GRIN2A: variants seen among roughly 807,000 people sequenced by gnomAD.
GRIN2A encodes glutamate ionotropic receptor NMDA type subunit 2A.
In GRIN2A, 22 loss-of-function variants were observed where a neutral mutation model predicts 113.4. That is an observed-to-expected ratio of 0.19 (90% confidence interval 0.14 to 0.28). The LOEUF is 0.28. Among genes scored for constraint, GRIN2A ranks in the 10% least tolerant of loss-of-function variants. GRIN2A has a pLI of 1.00. For missense variants in GRIN2A, 1,502 were observed against 1,887.0 expected (o/e 0.80, Z 3.78); for synonymous variants, 827 against 738.4 (o/e 1.12, Z -1.94).
At chr16:9,772,321 T>C (rs1036772146) in intron 11 of GRIN2A, among the ~76,000 whole-genome samples, 4 of 152,186 alleles carry the variant, frequency 2.6e-5, no homozygotes, top group African/African-American at 9.7e-5. Context: ...ACCAATGCCA[T>C]CCCTTTGGAA....
At chr16:10,053,106 G>C (rs917410616) in intron 2 of GRIN2A, among the ~76,000 whole-genome samples, 5 of 151,528 alleles carry the variant, frequency 3.3e-5, no homozygotes, top group African/African-American at 1.2e-4. Flanking sequence ...TCTGAACTTT[G>C]AACAAGCCCC....
At chr16:9,988,664 A>G (rs1384973297) in intron 2 of GRIN2A, among the ~76,000 whole-genome samples, 1 of 152,164 alleles carries the variant, frequency 6.6e-6, no homozygotes, top group East Asian at 1.9e-4. Flanking sequence ...CATCTTCACA[A>G]CAACCCTCTC....
intron 3 of GRIN2A, among the ~76,000 whole-genome samples, chr16:9,934,032 G>A (rs1223926140): frequency 1.3e-5 from 2 of 152,218 alleles, no homozygotes; most frequent in Non-Finnish European, 2.9e-5. Context: ...TCTATGGAGA[G>A]AACAGGAGAA....
At chr16:9,962,330 A>G (rs557496686) in intron 2 of GRIN2A, among the ~76,000 whole-genome samples, 1,540 of 152,290 alleles carry the variant, frequency 0.01, 12 homozygotes, top group African/African-American at 0.035. Context: ...CAGGCAACCT[A>G]CAGAATGGGA....
At chr16:9,948,508 G>T (rs1443227757) in intron 2 of GRIN2A, among the ~76,000 whole-genome samples, 2 of 152,208 alleles carry the variant, frequency 1.3e-5, no homozygotes, top group Non-Finnish European at 2.9e-5. Flanking sequence ...TGACCCAGGG[G>T]TCCTGGTGCC....
At chr16:10,035,115 T>C (rs1224563886) in intron 2 of GRIN2A, among the ~76,000 whole-genome samples, 1 of 152,154 alleles carries the variant, frequency 6.6e-6, no homozygotes, top group Non-Finnish European at 1.5e-5. Flanking sequence ...AGCCTTGAAC[T>C]CTTGGGCTCC....
chr16:10,074,988 C>T (rs2047840821), intron 2 of GRIN2A, among the ~76,000 whole-genome samples: 1 of 152,136 alleles, frequency 6.6e-6, no homozygotes, highest in Non-Finnish European at 1.5e-5. Flanking sequence ...TGGCTCAATC[C>T]TTCAAAGAAT....
chr16:10,136,906 G>C (rs1419232847), intron 2 of GRIN2A, among the ~76,000 whole-genome samples: 1 of 152,234 alleles, frequency 6.6e-6, no homozygotes, highest in African/African-American at 2.4e-5. Flanking sequence ...AGAGAAGTGA[G>C]ACAGGGAAGT....
intron 12 of GRIN2A, among the ~76,000 whole-genome samples, chr16:9,767,389 A>C (rs949475475): frequency 6.6e-6 from 1 of 152,178 alleles, no homozygotes; most frequent in Non-Finnish European, 1.5e-5. Flanking sequence ...AGCATATAAA[A>C]TTAGATTTTT....
intron 2 of GRIN2A, among the ~76,000 whole-genome samples, chr16:10,031,173 C>A (rs1246443270): frequency 6.6e-6 from 1 of 152,192 alleles, no homozygotes; most frequent in African/African-American, 2.4e-5. Context: ...CGTAAATCCT[C>A]AATGTGGCCT....
At chr16:9,912,772 C>T (rs1047920927) in intron 3 of GRIN2A, among the ~76,000 whole-genome samples, 2 of 152,180 alleles carry the variant, frequency 1.3e-5, no homozygotes, top group African/African-American at 2.4e-5. Context: ...TTAGTTATCA[C>T]TGGTATTAAT....
chr16:9,776,519 G>T (rs529747142), intron 11 of GRIN2A, among the ~76,000 whole-genome samples: 14 of 152,208 alleles, frequency 9.2e-5, no homozygotes, highest in African/African-American at 3.4e-4. Context: ...ACAGGAAGAA[G>T]TTTGAGAAGC....
At chr16:9,902,002 C>T (rs2043937923) in intron 3 of GRIN2A, among the ~76,000 whole-genome samples, 1 of 151,828 alleles carries the variant, frequency 6.6e-6, no homozygotes, top group Non-Finnish European at 1.5e-5. Flanking sequence ...GAATTCTCAC[C>T]CAAAGAACTA....
intron 2 of GRIN2A, among the ~76,000 whole-genome samples, chr16:9,959,603 T>A (rs897014973): frequency 6.6e-6 from 1 of 152,250 alleles, no homozygotes; most frequent in African/African-American, 2.4e-5. Context: ...ACACAGGCTT[T>A]CCACTGTGCT....
chr16:9,906,696 A>C (rs1438080777), intron 3 of GRIN2A, among the ~76,000 whole-genome samples: 1 of 152,248 alleles, frequency 6.6e-6, no homozygotes, highest in Non-Finnish European at 1.5e-5. Flanking sequence ...GGAAGACCTG[A>C]AGACACCGTT....
intron 2 of GRIN2A, among the ~76,000 whole-genome samples, chr16:9,992,526 C>T (rs542372084): frequency 1.3e-5 from 2 of 152,228 alleles, no homozygotes; most frequent in African/African-American, 2.4e-5. Context: ...AGAAGGTGTC[C>T]GTGGTGAAAA....
intron 2 of GRIN2A, among the ~76,000 whole-genome samples, chr16:9,971,829 C>A (rs549443433): frequency 3.3e-5 from 5 of 151,998 alleles, no homozygotes; most frequent in African/African-American, 1.2e-4. Flanking sequence ...AAAAAATATA[C>A]CTGAAGGCTC....
At chr16:9,976,533 G>T (rs763812956) in intron 2 of GRIN2A, among the ~76,000 whole-genome samples, 6 of 152,182 alleles carry the variant, frequency 3.9e-5, no homozygotes, top group Non-Finnish European at 7.4e-5. Context: ...GTTGGCGTTT[G>T]AAACCCAACA....
At position 9,930,384 on chromosome 16, in the gene GRIN2A, G is replaced by T. The variant is rs1278596303; in HGVS notation, c.1007+7575C>A. Among the ~76,000 whole-genome samples the T allele has an allele frequency of 4.6e-5, 7 of 152,198 alleles. No homozygotes were observed. The South Asian group carries it at 1.4e-3, about 31-fold the overall frequency. ...CCAGAATAACCCAGATAATAAGAGG[G>T]TTTGAACACAGCACTGTCTAAGTCT... is the stretch of plus-strand genomic sequence containing the variant. On this transcript the variant is annotated intron_variant, in intron 3 of 12. Coordinates refer to ENST00000330684, the MANE Select transcript of GRIN2A (RefSeq NM_001134407.3).
Sources: gnomAD v4.1 joint callset for allele counts (sites outside exome capture counted in the v4.1 genomes callset) on GRCh38, gnomAD v4.1.1 for gene constraint, MANE v1.5 for transcripts, NCBI Gene and HGNC (gene_info 2026-07-23, HGNC 2026-07-21) for gene names.